PRKX: variants seen among roughly 807,000 people sequenced by gnomAD.
PRKX encodes cAMP-dependent protein kinase catalytic subunit PRKX.
In PRKX, 12 loss-of-function variants were observed where a neutral mutation model predicts 22.0. That is an observed-to-expected ratio of 0.54 (90% confidence interval 0.35 to 0.88). The LOEUF (loss-of-function observed/expected upper bound fraction) is 0.88, where lower values mean the gene tolerates loss of function less well. Ranked by LOEUF, PRKX falls within the 40% of genes least tolerant of loss-of-function variation. PRKX has a pLI of 0.01. For missense variants in PRKX, 217 were observed against 308.0 expected, an observed-to-expected ratio of 0.70 and a Z score of 2.21; for synonymous variants, 134 against 137.7, an observed-to-expected ratio of 0.97 and a Z score of 0.19.
At chrX:3,639,726 C>T (rs1025124874) in intron 4 of PRKX, among the ~76,000 whole-genome samples, 3 of 110,988 alleles carry the variant, frequency 2.7e-5, no homozygotes, top group African/African-American at 9.9e-5. Context: ...TCTCAGGCTC[C>T]GGTTTTGTGG....
At chrX:3,665,093 CGT>C (rs748790895) in intron 2 of PRKX, among the ~76,000 whole-genome samples, 170 of 111,275 alleles carry the variant, frequency 1.5e-3, no homozygotes, top group African/African-American at 3.0e-3. Flanking sequence ...GGGGCGCGCG[CGT>C]GTGTGTGTGT....
At chrX:3,638,794 T>C (rs901734650) in intron 4 of PRKX, among the ~76,000 whole-genome samples, 1 of 108,978 alleles carries the variant, frequency 9.2e-6, no homozygotes, top group Admixed American at 1.0e-4. Context: ...GGTAGATAGA[T>C]GATTGATAGA....
chrX:3,640,225 G>A lies in PRKX; in HGVS notation c.719+1627C>T, dbSNP rs1354780648. ...AGAGAACCTAGGAGGCAGAGTGTCGGCTGTGGCAAAGCGCGGCAGAGGCTC... is the reference window on the plus strand; with the variant it reads ...AGAGAACCTAGGAGGCAGAGTGTCGACTGTGGCAAAGCGCGGCAGAGGCTC... On this transcript the variant is annotated intron_variant, in intron 4 of 8. Transcript: ENST00000262848. Among the ~76,000 whole-genome samples the A allele has an allele frequency of 2.7e-5, 3 of 109,772 alleles. 1 individual carries two copies. Among genetic ancestry groups the A allele is most frequent in the African/African-American group, 9.9e-5 (3 of 30,180 alleles).
intron 3 of PRKX, among the ~76,000 whole-genome samples, chrX:3,645,348 A>G (rs758127784): frequency 1.5e-3 from 163 of 111,298 alleles, no homozygotes; most frequent in African/African-American, 5.1e-3. Flanking sequence ...TAGATATCCA[A>G]TGACTCCTGT....
rs1409020435 is a variant in PRKX at position 3,627,956 on chromosome X, A to G, written c.720-1442T>C. Among the ~76,000 whole-genome samples the G allele has an allele frequency of 7.2e-5, 8 of 111,491 alleles. No individual in the cohort carries two copies. The East Asian group carries it at 2.3e-3, about 32-fold the overall frequency. Reference sequence around the variant, plus strand: ...ACATCGGCACGCCCATGTTTACCACAGCACCATTCACAACAGCCAAGATAG... The same window carrying G: ...ACATCGGCACGCCCATGTTTACCACGGCACCATTCACAACAGCCAAGATAG... On this transcript the variant is annotated intron_variant, in intron 4 of 8. Coordinates refer to ENST00000262848, the MANE Select transcript of PRKX (RefSeq NM_005044.5).
chrX:3,702,620 G>T (rs112256209), intron 1 of PRKX, among the ~76,000 whole-genome samples: 21 of 104,208 alleles, frequency 2.0e-4, no homozygotes, highest in African/African-American at 7.4e-4. Flanking sequence ...AAAAATTCCA[G>T]TGGATTTTTA....
At chrX:3,621,782 C>A (rs1273645936) in intron 5 of PRKX, among the ~76,000 whole-genome samples, 1 of 111,386 alleles carries the variant, frequency 9.0e-6, no homozygotes, top group Admixed American at 9.6e-5. Flanking sequence ...TAGGATGAGT[C>A]TCCTAAGTCT....
intron 2 of PRKX, among the ~76,000 whole-genome samples, chrX:3,662,600 CAGG>C (rs1927619974): frequency 2.0e-5 from 2 of 100,286 alleles, no homozygotes; most frequent in Non-Finnish European, 3.9e-5. Context: ...GAGGCTGAGG[CAGG>C]AGAATGGCGT....
intron 2 of PRKX, chrX:3,670,198 C>T (rs1467220305): frequency 3.2e-5 from 4 of 123,959 alleles, no homozygotes; most frequent in Non-Finnish European, 7.5e-5. Flanking sequence ...AGAAGCTGCA[C>T]AGCTGGGAGG....
rs189269721 is a variant in PRKX, at chrX:3,687,090, G to A, written c.167-12324C>T. On this transcript the variant is annotated intron_variant, in intron 1 of 8. Coordinates refer to ENST00000262848, the MANE Select transcript of PRKX (RefSeq NM_005044.5). ...GGCTAGAGTGCAGTGATGCAATCTCGGCTCACTGCAGCATAAACTCCTGGG... is the reference window on the plus strand; with the variant it reads ...GGCTAGAGTGCAGTGATGCAATCTCAGCTCACTGCAGCATAAACTCCTGGG... Among the ~76,000 whole-genome samples, 63 of 110,646 alleles carry A rather than the reference G, an allele frequency of 5.7e-4. 1 individual carries two copies. Among genetic ancestry groups the A allele is most frequent in the African/African-American group, 2.0e-3 (60 of 30,444 alleles).
chrX:3,619,150 T>G (rs1163175354), intron 6 of PRKX, among the ~76,000 whole-genome samples: 3 of 112,569 alleles, frequency 2.7e-5, no homozygotes, highest in South Asian at 7.3e-4. Flanking sequence ...GTTCTTGAGA[T>G]GACATCATCC....
Position 3,649,902 on chromosome X carries a change from G to A in PRKX, c.599+5247C>T, listed in dbSNP as rs764759477. 3.7e-5 allele frequency among the ~76,000 whole-genome samples: 4 copies of A among 108,843 alleles called. No homozygotes were observed. The South Asian group carries it at 1.7e-3, about 45-fold the overall frequency. The allele number at this position is 108,843 out of a possible 115,157, so 94.5% of individuals were successfully genotyped here. On this transcript the variant is annotated intron_variant, in intron 3 of 8. Transcript: ENST00000262848. ...CGCCTGTAATCCCAAAACTTTGGGG[G>A]GCCAAGGTTGGAGGACTGCTTCAGT... is the stretch of plus-strand genomic sequence containing the variant.
At chrX:3,683,772 G>A (rs7054333) in intron 1 of PRKX, among the ~76,000 whole-genome samples, 1,730 of 111,849 alleles carry the variant, frequency 0.015, 25 homozygotes, top group African/African-American at 0.052. Context: ...CTGGGAGGTC[G>A]AGGCTGCAGT....
chrX:3,695,538 G>A (rs1056977124), intron 1 of PRKX, among the ~76,000 whole-genome samples: 1 of 111,005 alleles, frequency 9.0e-6, no homozygotes, highest in African/African-American at 3.3e-5. Flanking sequence ...TCAGCCTCCT[G>A]AGTAGCTGGG....
At chrX:3,615,021 T>TTTG in intron 7 of PRKX, among the ~76,000 whole-genome samples, 1 of 89,313 alleles carries the variant, frequency 1.1e-5, no homozygotes, top group Non-Finnish European at 2.2e-5. Flanking sequence ...ATTTTTTTTT[T>TTTG]TTTTTTTTTT....
chrX:3,704,249 A>C (rs1928638199), intron 1 of PRKX, among the ~76,000 whole-genome samples: 1 of 112,015 alleles, frequency 8.9e-6, no homozygotes, highest in East Asian at 2.8e-4. Context: ...GTTTACCCGC[A>C]CACACGTATT....
At chrX:3,684,894 G>A (rs1248349151) in intron 1 of PRKX, among the ~76,000 whole-genome samples, 1 of 112,048 alleles carries the variant, frequency 8.9e-6, no homozygotes, top group Non-Finnish European at 1.9e-5. Context: ...ACAGCTCACT[G>A]CAACCTCCAC....
intron 1 of PRKX, among the ~76,000 whole-genome samples, chrX:3,684,075 AC>A (rs1241302725): frequency 6.4e-5 from 7 of 110,235 alleles, no homozygotes; most frequent in African/African-American, 3.3e-5. Flanking sequence ...ACATGGTGAA[AC>A]CCCGTCTCTA....
At chrX:3,658,613 G>A (rs1927529308) in intron 2 of PRKX, among the ~76,000 whole-genome samples, 2 of 110,622 alleles carry the variant, frequency 1.8e-5, no homozygotes, top group South Asian at 3.9e-4. Flanking sequence ...GAGAGGACTC[G>A]GAAGACACCA....
Sources: gnomAD v4.1 joint callset for allele counts (sites outside exome capture counted in the v4.1 genomes callset) on GRCh38, gnomAD v4.1.1 for gene constraint, MANE v1.5 for transcripts, NCBI Gene and HGNC (gene_info 2026-07-23, HGNC 2026-07-21) for gene names.